Variants in ERC2 observed in about 807,000 individuals in gnomAD.
The protein encoded by ERC2 is ELKS/RAB6-interacting/CAST family member 2, also known as ERC protein 2.
A neutral mutation model predicts 114.8 loss-of-function variants in ERC2; 42 were observed. That is an observed-to-expected ratio of 0.37 (90% confidence interval 0.29 to 0.47). ERC2 has a LOEUF of 0.47. Ranked by LOEUF, ERC2 falls within the 20% of genes least tolerant of loss-of-function variation. ERC2 has a pLI of 0.99. For missense variants in ERC2, 939 were observed against 1,150.7 expected, an observed-to-expected ratio of 0.82 and a Z score of 2.66; for synonymous variants, 454 against 425.5, an observed-to-expected ratio of 1.07 and a Z score of -0.82.
intron 13 of ERC2, among the ~76,000 whole-genome samples, chr3:55,893,620 C>A (rs1169543131): frequency 6.6e-6 from 1 of 152,134 alleles, no homozygotes; most frequent in Non-Finnish European, 1.5e-5. Flanking sequence ...CCATTTTGGT[C>A]CAAGGCCCTG....
chr3:56,405,169 C>G (rs1262127550), intron 2 of ERC2, among the ~76,000 whole-genome samples: 1 of 152,144 alleles, frequency 6.6e-6, no homozygotes, highest in African/African-American at 2.4e-5. Flanking sequence ...GGAGGCCAGG[C>G]ACGTTGGCTC....
At chr3:55,845,423 G>T (rs1333240996) in intron 14 of ERC2, among the ~76,000 whole-genome samples, 3 of 143,572 alleles carry the variant, frequency 2.1e-5, no homozygotes, top group African/African-American at 7.8e-5. Flanking sequence ...AGAATGCCGT[G>T]AACCCGGGAG....
intron 17 of ERC2, among the ~76,000 whole-genome samples, chr3:55,545,058 T>C (rs115442867): frequency 0.035 from 5,341 of 152,302 alleles, 159 homozygotes; most frequent in African/African-American, 0.077. Flanking sequence ...TTGTCAGTCA[T>C]CATTTTCCTG....
rs1185098905 is a variant in ERC2 at position 55,716,507 on chromosome 3, A to C, written c.2713-16995T>G. 3.3e-5 allele frequency among the ~76,000 whole-genome samples: 5 copies of C among 152,234 alleles called. 1 individual carries two copies. Among genetic ancestry groups the C allele is most frequent in the Non-Finnish European group, 7.3e-5 (5 of 68,038 alleles). ...AAAGTTAAGCCACTTAACAGCTGTG[A>C]AACTACCTGCAAGTTATTTAACCTC... On this transcript the variant is annotated intron_variant, in intron 15 of 17. Transcript: ENST00000288221.
intron 17 of ERC2, among the ~76,000 whole-genome samples, chr3:55,642,926 T>C (rs768809512): frequency 6.6e-6 from 1 of 152,240 alleles, no homozygotes; most frequent in Non-Finnish European, 1.5e-5. Context: ...TGCATCTATC[T>C]GCCTAAAGAG....
chr3:56,064,921 C>G (rs780801762), intron 7 of ERC2, among the ~76,000 whole-genome samples: 1 of 152,208 alleles, frequency 6.6e-6, no homozygotes, highest in Non-Finnish European at 1.5e-5. Context: ...TATTTATTTA[C>G]TCAATCTATT....
At chr3:56,437,320 C>A (rs1425873113) in intron 1 of ERC2, among the ~76,000 whole-genome samples, 1 of 152,238 alleles carries the variant, frequency 6.6e-6, no homozygotes, top group African/African-American at 2.4e-5. Context: ...CCTAGCCAAC[C>A]AGCCACTGCC....
chr3:55,679,525 G>T lies in ERC2; in HGVS notation c.*39+4269C>A, dbSNP rs568907212. On this transcript the variant is annotated intron_variant, in intron 17 of 17. Transcript: ENST00000288221. ...CTTGACTAGATGGCAAGATCCACAG[G>T]GGAGCAACCATGGCAATCTTATTCG... Among the ~76,000 whole-genome samples the T allele has an allele frequency of 3.9e-5, 6 of 152,266 alleles. No individual in the cohort carries two copies. The South Asian group carries it at 1.2e-3, about 32-fold the overall frequency.
At chr3:56,216,234 G>C (rs1193995624) in intron 3 of ERC2, among the ~76,000 whole-genome samples, 1 of 152,072 alleles carries the variant, frequency 6.6e-6, no homozygotes, top group Non-Finnish European at 1.5e-5. Flanking sequence ...CAACAAAATT[G>C]ATAGACTGCT....
chr3:55,743,685 C>G (rs553645258), intron 14 of ERC2, among the ~76,000 whole-genome samples: 2 of 151,198 alleles, frequency 1.3e-5, no homozygotes, highest in African/African-American at 4.9e-5. Context: ...AACATACCCA[C>G]ACAAATGAAA....
At chr3:55,543,558 A>G (rs904814905) in intron 17 of ERC2, among the ~76,000 whole-genome samples, 14 of 152,308 alleles carry the variant, frequency 9.2e-5, no homozygotes, top group African/African-American at 1.2e-4. Context: ...CTTGGAGAAG[A>G]CCACAGAGAT....
chr3:55,960,947 C>T (rs1008536158), intron 12 of ERC2, among the ~76,000 whole-genome samples: 2 of 152,220 alleles, frequency 1.3e-5, no homozygotes, highest in African/African-American at 4.8e-5. Flanking sequence ...CAAGCCTGGC[C>T]AACATGGCAA....
At chr3:56,298,560 G>A (rs552891145) in intron 2 of ERC2, among the ~76,000 whole-genome samples, 45 of 152,122 alleles carry the variant, frequency 3.0e-4, no homozygotes, top group Non-Finnish European at 6.2e-4. Flanking sequence ...CTGACATACA[G>A]GATAAGATGG....
chr3:55,754,781 C>G (rs536237419), intron 14 of ERC2, among the ~76,000 whole-genome samples: 2 of 151,988 alleles, frequency 1.3e-5, no homozygotes, highest in East Asian at 3.9e-4. Flanking sequence ...GTTTTTCTAT[C>G]CTAAACAGCG....
intron 6 of ERC2, among the ~76,000 whole-genome samples, chr3:56,109,205 G>T (rs943507765): frequency 1.3e-5 from 2 of 151,884 alleles, no homozygotes; most frequent in African/African-American, 4.8e-5. Flanking sequence ...GTAGGCCCCA[G>T]CATCTGCGGT....
intron 16 of ERC2, among the ~76,000 whole-genome samples, chr3:55,689,380 A>T (rs921939882): frequency 6.6e-6 from 1 of 152,144 alleles, no homozygotes; most frequent in Non-Finnish European, 1.5e-5. Context: ...CAGCTCAAGG[A>T]CATCAGATAC....
At chr3:56,180,309 C>G (rs2083220061) in intron 3 of ERC2, among the ~76,000 whole-genome samples, 1 of 152,166 alleles carries the variant, frequency 6.6e-6, no homozygotes, top group Non-Finnish European at 1.5e-5. Flanking sequence ...TATATTTGCA[C>G]AGTGGGCTAT....
chr3:55,550,599 G>A (rs1258933483), intron 17 of ERC2, among the ~76,000 whole-genome samples: 1 of 152,188 alleles, frequency 6.6e-6, no homozygotes, highest in African/African-American at 2.4e-5. Flanking sequence ...TGTTGCAGGG[G>A]ATGGGGAGAA....
intron 14 of ERC2, among the ~76,000 whole-genome samples, chr3:55,754,902 T>C (rs1313442100): frequency 6.6e-6 from 1 of 152,136 alleles, no homozygotes; most frequent in African/African-American, 2.4e-5. Flanking sequence ...AAAATAACTG[T>C]ATTGTATTCT....
Sources: gnomAD v4.1 joint callset for allele counts (sites outside exome capture counted in the v4.1 genomes callset) on GRCh38, gnomAD v4.1.1 for gene constraint, MANE v1.5 for transcripts, NCBI Gene and HGNC (gene_info 2026-07-23, HGNC 2026-07-21) for gene names.